The following NLGN4X variants were observed in gnomAD, a reference collection of about 807,000 sequenced individuals.
NLGN4X encodes neuroligin-4, X-linked.
In NLGN4X, 3 loss-of-function variants were observed where a neutral mutation model predicts 40.3. The observed-to-expected ratio is 0.07, with a 90% CI of 0.03 to 0.19. The LOEUF (loss-of-function observed/expected upper bound fraction) is 0.19. Ranked by LOEUF, NLGN4X falls within the 10% of genes least tolerant of loss-of-function variation. The pLI is 1.00. For synonymous variants in NLGN4X, 270 were observed against 306.8 expected, an observed-to-expected ratio of 0.88 and a Z score of 1.25; for missense variants, 382 against 708.3, an observed-to-expected ratio of 0.54 and a Z score of 5.23.
At chrX:6,060,645 T>G (rs2037745829) in intron 2 of NLGN4X, among the ~76,000 whole-genome samples, 1 of 111,905 alleles carries the variant, frequency 8.9e-6, no homozygotes, top group African/African-American at 3.3e-5. Flanking sequence ...CCATCTTCAC[T>G]GTTAGAATAT....
chrX:6,067,547 G>A (rs751000272), intron 2 of NLGN4X, among the ~76,000 whole-genome samples: 12 of 111,474 alleles, frequency 1.1e-4, no homozygotes, highest in Non-Finnish European at 2.3e-4. Context: ...CCACTGCAAT[G>A]TTCCATGTTC....
intron 3 of NLGN4X, among the ~76,000 whole-genome samples, chrX:6,023,152 C>A (rs1253442984): frequency 9.0e-6 from 1 of 111,542 alleles, no homozygotes; most frequent in Admixed American, 9.5e-5. Flanking sequence ...CCAGCAATGA[C>A]ATGGGAACTG....
intron 2 of NLGN4X, among the ~76,000 whole-genome samples, chrX:6,089,438 G>C (rs1352555408): frequency 8.9e-6 from 1 of 112,419 alleles, no homozygotes; most frequent in Non-Finnish European, 1.9e-5. Flanking sequence ...TCCAGCACCT[G>C]GAATTTTCCC....
chrX:6,155,544 T>C (rs2040244691), intron 1 of NLGN4X, among the ~76,000 whole-genome samples: 1 of 111,924 alleles, frequency 8.9e-6, no homozygotes, highest in Non-Finnish European at 1.9e-5. Flanking sequence ...CCAAAATGAA[T>C]GACCACTCTC....
chrX:6,004,473 T>A (rs1250421976), intron 3 of NLGN4X, among the ~76,000 whole-genome samples: 1 of 111,175 alleles, frequency 9.0e-6, no homozygotes, highest in African/African-American at 3.3e-5. Flanking sequence ...ATAGCAAGAG[T>A]ATCTTTACTC....
chrX:6,116,290 C>CAAAAAAAAAAAAA lies in NLGN4X; in HGVS notation c.472+34692_472+34704dup, dbSNP rs758019203. Among the ~76,000 whole-genome samples the CAAAAAAAAAAAAA allele has an allele frequency of 7.4e-4, 12 of 16,165 alleles. 3 individuals are homozygous for CAAAAAAAAAAAAA. Among genetic ancestry groups the CAAAAAAAAAAAAA allele is most frequent in the African/African-American group, 1.9e-3 (8 of 4,173 alleles). The allele number at this position is 16,165 out of a possible 115,157, so 14.0% of individuals were successfully genotyped here. On this transcript the variant is annotated intron_variant, in intron 2 of 5. Transcript: ENST00000381095. ...CCTGGGCGACAGACCGAGACTCTGT[C>CAAAAAAAAAAAAA]AAAAAAAAAAAAAAAAAAAAAAAAA...
intron 1 of NLGN4X, among the ~76,000 whole-genome samples, chrX:6,158,589 T>G (rs1005486890): frequency 6.2e-5 from 7 of 112,071 alleles, no homozygotes; most frequent in African/African-American, 2.3e-4. Context: ...CAACTAGAAC[T>G]CCCATGCATC....
intron 1 of NLGN4X, among the ~76,000 whole-genome samples, chrX:6,209,578 AAGTC>A (rs1475225961): frequency 1.8e-5 from 2 of 111,657 alleles, no homozygotes. Flanking sequence ...TGAGTAAATC[AAGTC>A]ACATTTTAAA....
chrX:6,222,116 TAA>T (rs1229910287), intron 1 of NLGN4X, among the ~76,000 whole-genome samples: 1 of 111,575 alleles, frequency 9.0e-6, no homozygotes, highest in Non-Finnish European at 1.9e-5. Context: ...TATGACAGGC[TAA>T]GTTTCACTCC....
At chrX:6,077,270 T>TGTGTGTG (rs756129730) in intron 2 of NLGN4X, among the ~76,000 whole-genome samples, 13 of 78,168 alleles carry the variant, frequency 1.7e-4, no homozygotes, top group African/African-American at 5.2e-4. Flanking sequence ...AAATTTTATT[T>TGTGTGTG]TGTGTGTGTG....
intron 3 of NLGN4X, among the ~76,000 whole-genome samples, chrX:5,972,185 ATGTG>A (rs2035044290): frequency 9.0e-6 from 1 of 110,554 alleles, no homozygotes. Context: ...GCATGCATGC[ATGTG>A]TGTTTGTGTG....
intron 3 of NLGN4X, among the ~76,000 whole-genome samples, chrX:5,923,504 T>C (rs568518228): frequency 4.4e-5 from 5 of 112,602 alleles, no homozygotes; most frequent in African/African-American, 1.3e-4. Context: ...ACAGGTTTAA[T>C]GGACTTAACA....
chrX:6,153,920 C>T (rs1465302661), intron 1 of NLGN4X, among the ~76,000 whole-genome samples: 1 of 112,572 alleles, frequency 8.9e-6, no homozygotes, highest in Non-Finnish European at 1.9e-5. Context: ...TGTACACTTA[C>T]TAGGTCTAGA....
rs1569159120 is a variant in NLGN4X at position 5,968,438 on chromosome X, C to CTCTCT, written c.626-59200_626-59199insAGAGA. 2.1e-3 allele frequency among the ~76,000 whole-genome samples: 32 copies of CTCTCT among 15,086 alleles called. 3 individuals are homozygous for CTCTCT. The highest frequency in any genetic ancestry group is 0.011 in the African/African-American group (32 of 3,043). 13.1% of individuals were successfully genotyped at this position (15,086 alleles called of 115,157 possible). A position where few individuals can be genotyped will look rare whatever the true frequency, so the allele number is the denominator to read the frequency against. ...ATGGCTGTCTTTGATTGTAAGTACCCCTCTCTCTCTCTCTCTCTCTGTGTG... is the reference window on the plus strand; with the variant it reads ...ATGGCTGTCTTTGATTGTAAGTACCCTCTCTCTCTCTCTCTCTCTCTCTCTGTGTG... On this transcript the variant is annotated intron_variant, in intron 3 of 5. Coordinates refer to ENST00000381095, the MANE Select transcript of NLGN4X (RefSeq NM_181332.3).
intron 2 of NLGN4X, among the ~76,000 whole-genome samples, chrX:6,046,874 T>C (rs968365968): frequency 4.6e-5 from 5 of 108,436 alleles, no homozygotes; most frequent in African/African-American, 1.7e-4. Context: ...CACATGTCTG[T>C]ATACATACAT....
intron 1 of NLGN4X, 97 bp from the exon 2 acceptor site, chrX:6,151,868 T>A (rs1183750339): frequency 9.0e-6 from 2 of 222,893 alleles, no homozygotes; most frequent in African/African-American, 2.9e-5. Context: ...CATCTCTCTA[T>A]GAAATTCCTA....
chrX:6,028,244 A>G (rs1387669022), intron 3 of NLGN4X, among the ~76,000 whole-genome samples: 1 of 112,212 alleles, frequency 8.9e-6, no homozygotes, highest in Admixed American at 9.5e-5. Context: ...CCTGGAAAAC[A>G]AATGTTTTTA....
At chrX:5,997,330 T>G (rs1316272009) in intron 3 of NLGN4X, among the ~76,000 whole-genome samples, 1 of 106,905 alleles carries the variant, frequency 9.4e-6, no homozygotes, top group African/African-American at 3.4e-5. Flanking sequence ...TATTAATACC[T>G]CATATGTATT....
chrX:5,946,249 A>T (rs1455172865), intron 3 of NLGN4X, among the ~76,000 whole-genome samples: 1 of 111,332 alleles, frequency 9.0e-6, no homozygotes, highest in Non-Finnish European at 1.9e-5. Flanking sequence ...ACGTCGACAA[A>T]TGTCTCCTGA....
Sources: allele counts gnomAD v4.1 joint callset (sites outside exome capture counted in the v4.1 genomes callset), GRCh38; gene constraint gnomAD v4.1.1; transcripts MANE v1.5; gene names NCBI Gene and HGNC (gene_info 2026-07-23, HGNC 2026-07-21).